Variants in RBFOX1 observed in about 807,000 individuals in gnomAD.
RBFOX1 encodes the protein RNA binding protein fox-1 homolog 1.
Under a neutral mutation model 57.7 loss-of-function variants are expected in RBFOX1, and 8 were observed. The observed-to-expected ratio is 0.14, with a 90% CI of 0.08 to 0.25. The LOEUF is 0.25. RBFOX1 is among the 10% of genes least tolerant of loss of function. The probability of loss-of-function intolerance (pLI) is 1.00; values close to 1 mark genes in which losing one functional copy is unlikely to be tolerated. For missense variants in RBFOX1, 611 were observed against 548.5 expected, an observed-to-expected ratio of 1.11 and a Z score of -1.14; for synonymous variants, 326 against 222.4, an observed-to-expected ratio of 1.47 and a Z score of -4.15.
At chr16:5,250,692 T>C (rs567251623) in intron 1 of RBFOX1, among the ~76,000 whole-genome samples, 4 of 134,496 alleles carry the variant, frequency 3.0e-5, no homozygotes, top group Non-Finnish European at 6.7e-5. Flanking sequence ...TTGTCTCACG[T>C]TGGAACCTGG....
intron 3 of RBFOX1, among the ~76,000 whole-genome samples, chr16:6,661,293 G>A (rs2098700044): frequency 1.3e-5 from 2 of 152,174 alleles, no homozygotes; most frequent in Admixed American, 6.5e-5. Context: ...CTAATTCCAG[G>A]CTCTGTCGGT....
intron 4 of RBFOX1, among the ~76,000 whole-genome samples, chr16:7,084,364 A>C (rs985931006): frequency 6.6e-6 from 1 of 152,196 alleles, no homozygotes; most frequent in Admixed American, 6.5e-5. Flanking sequence ...ATGTGGATAG[A>C]AAAAAGCATA....
Position 5,309,577 on chromosome 16 carries a change from G to A in RBFOX1, c.219+69472G>A, listed in dbSNP as rs999958174. 3.9e-5 allele frequency among the ~76,000 whole-genome samples: 6 copies of A among 152,084 alleles called. No homozygotes were observed. The East Asian group carries it at 7.7e-4, about 19-fold the overall frequency. On this transcript the variant is annotated intron_variant, in intron 1 of 2. Coordinates refer to the RBFOX1 transcript ENST00000585867. ...TTGTTACATAGATATATTGCATAGCGGTGAAGTGTGGGCTTTAAGTGTAAC... is the reference window on the plus strand; with the variant it reads ...TTGTTACATAGATATATTGCATAGCAGTGAAGTGTGGGCTTTAAGTGTAAC...
intron 2 of RBFOX1, among the ~76,000 whole-genome samples, chr16:6,375,748 G>A (rs1436426516): frequency 1.3e-5 from 2 of 152,088 alleles, no homozygotes; most frequent in Non-Finnish European, 2.9e-5. Context: ...GACGGAGCGA[G>A]AATGAGTACC....
intron 3 of RBFOX1, among the ~76,000 whole-genome samples, chr16:6,724,425 C>T (rs1361884705): frequency 1.3e-5 from 2 of 151,976 alleles, no homozygotes; most frequent in Non-Finnish European, 2.9e-5. Flanking sequence ...CCAGGCTGGT[C>T]TCGAACTCCT....
chr16:6,984,026 T>A (rs2089644548), intron 3 of RBFOX1, among the ~76,000 whole-genome samples: 1 of 152,138 alleles, frequency 6.6e-6, no homozygotes, highest in Non-Finnish European at 1.5e-5. Flanking sequence ...GGTGGGCAGA[T>A]CACCTGAGGT....
chr16:6,526,618 C>A (rs938685395), intron 2 of RBFOX1, among the ~76,000 whole-genome samples: 3 of 151,762 alleles, frequency 2.0e-5, no homozygotes, highest in African/African-American at 7.3e-5. Flanking sequence ...ATCACGAGGT[C>A]AGGAAATCAA....
chr16:5,361,126 CT>C (rs1436138491), intron 1 of RBFOX1, among the ~76,000 whole-genome samples: 1 of 152,192 alleles, frequency 6.6e-6, no homozygotes, highest in Non-Finnish European at 1.5e-5. Flanking sequence ...GTTCTATTGT[CT>C]TTTCAGTTTA....
At chr16:5,805,970 T>C (rs1304680506) in intron 3 of RBFOX1, among the ~76,000 whole-genome samples, 1 of 152,136 alleles carries the variant, frequency 6.6e-6, no homozygotes, top group Non-Finnish European at 1.5e-5. Context: ...CCTAGCACAG[T>C]GTTGATCTCT....
At chr16:7,134,117 C>T (rs779817993) in intron 4 of RBFOX1, among the ~76,000 whole-genome samples, 8 of 152,204 alleles carry the variant, frequency 5.3e-5, no homozygotes, top group Non-Finnish European at 7.4e-5. Context: ...GACTGCCCTG[C>T]AAATACAATA....
At chr16:7,286,839 G>A (rs2095660614) in intron 4 of RBFOX1, among the ~76,000 whole-genome samples, 1 of 151,740 alleles carries the variant, frequency 6.6e-6, no homozygotes, top group African/African-American at 2.4e-5. Context: ...ATGTTGGCCA[G>A]GCTGGTCTCA....
chr16:7,288,154 C>G (rs1040946976), intron 4 of RBFOX1, among the ~76,000 whole-genome samples: 1 of 152,100 alleles, frequency 6.6e-6, no homozygotes, highest in African/African-American at 2.4e-5. Flanking sequence ...GTTTAAGATA[C>G]CCACAAGCAC....
intron 3 of RBFOX1, among the ~76,000 whole-genome samples, chr16:6,922,659 AG>A (rs1348489610): frequency 1.3e-5 from 2 of 152,298 alleles, no homozygotes; most frequent in Non-Finnish European, 2.9e-5. Flanking sequence ...AAGCCAGGTG[AG>A]GGTGGAGTAA....
intron 2 of RBFOX1, among the ~76,000 whole-genome samples, chr16:6,631,591 T>C (rs1322453030): frequency 6.6e-6 from 1 of 152,078 alleles, no homozygotes; most frequent in Non-Finnish European, 1.5e-5. Flanking sequence ...TCTGCTTTCA[T>C]GGAGCTAAGA....
chr16:6,650,902 A>G (rs12923522), intron 2 of RBFOX1, among the ~76,000 whole-genome samples: 41,375 of 151,958 alleles, frequency 0.27, 6,003 homozygotes, highest in African/African-American at 0.36. Flanking sequence ...TGTTTAATTG[A>G]TTGGTTGGTT....
chr16:6,618,386 G>T (rs71386437), intron 2 of RBFOX1, among the ~76,000 whole-genome samples: 2 of 152,074 alleles, frequency 1.3e-5, no homozygotes, highest in South Asian at 4.1e-4. Context: ...ACCATAAAAG[G>T]TAGGGACTGT....
chr16:6,793,612 T>C (rs1186199866), intron 3 of RBFOX1, among the ~76,000 whole-genome samples: 2 of 152,174 alleles, frequency 1.3e-5, no homozygotes, highest in Non-Finnish European at 2.9e-5. Context: ...AAGAGCAAAC[T>C]GAAAGCTTTA....
intron 2 of RBFOX1, among the ~76,000 whole-genome samples, chr16:6,522,225 C>T (rs1273987803): frequency 6.6e-6 from 1 of 151,000 alleles, no homozygotes; most frequent in African/African-American, 2.4e-5. Flanking sequence ...CATTTTATGT[C>T]TCCCAAGTAG....
chr16:5,691,072 C>CT (rs992023203), intron 3 of RBFOX1, among the ~76,000 whole-genome samples: 1 of 152,192 alleles, frequency 6.6e-6, no homozygotes, highest in Admixed American at 6.5e-5. Flanking sequence ...CTTATTCACC[C>CT]TGACTGTGGC....
Sources: allele counts gnomAD v4.1 joint callset (sites outside exome capture counted in the v4.1 genomes callset), GRCh38; gene constraint gnomAD v4.1.1; transcripts MANE v1.5; gene names NCBI Gene and HGNC (gene_info 2026-07-23, HGNC 2026-07-21).